KDM4C: variants seen among roughly 807,000 people sequenced by gnomAD.
The protein encoded by KDM4C is lysine demethylase 4C, also known as lysine-specific demethylase 4C.
A neutral mutation model predicts 129.3 loss-of-function variants in KDM4C; 81 were observed. The ratio of observed to expected loss-of-function variants is 0.63; its 90% CI spans 0.52 to 0.75. The LOEUF is 0.75. KDM4C is among the 30% of genes least tolerant of loss of function. The pLI, the probability that KDM4C is intolerant of heterozygous loss-of-function variation, is 0.00. For missense variants in KDM4C, 1,457 were observed against 1,304.0 expected, an observed-to-expected ratio of 1.12 and a Z score of -1.81; for synonymous variants, 573 against 456.1, an observed-to-expected ratio of 1.26 and a Z score of -3.26.
chr9:6,726,976 C>T (rs1256824856), intron 1 of KDM4C: 1 of 152,122 alleles, frequency 6.6e-6, no homozygotes. Context: ...CTCATGTGGT[C>T]CTCCTGCCTC....
At chr9:6,795,326 A>G (rs61138496) in intron 2 of KDM4C, among the ~76,000 whole-genome samples, 1 of 151,746 alleles carries the variant, frequency 6.6e-6, no homozygotes, top group Admixed American at 6.6e-5. Flanking sequence ...ATATATATAT[A>G]TTTTTTGTTG....
At position 6,944,652 on chromosome 9, in the gene KDM4C, G is replaced by GTTTTTTTTTTTTTTTTTT. The variant is rs1158199897; in HGVS notation, c.922-36268_922-36251dup. On this transcript the variant is annotated intron_variant, in intron 8 of 21. Transcript: ENST00000381309. ...CAACACACTTTTTGTCAAGGTAGAG[G>GTTTTTTTTTTTTTTTTTT]TTTTTTTTTTTTTTTTTTTTTTGCC... is the stretch of plus-strand genomic sequence containing the variant. Among the ~76,000 whole-genome samples the GTTTTTTTTTTTTTTTTTT allele has an allele frequency of 1.5e-3, 124 of 80,990 alleles. 16 individuals carry two copies. The highest frequency in any genetic ancestry group is 2.7e-3 in the East Asian group (6 of 2,214). The allele number at this position is 80,990 out of a possible 152,430, so 53.1% of individuals were successfully genotyped here.
chr9:6,853,032 T>TG (rs1839141967), intron 5 of KDM4C, among the ~76,000 whole-genome samples: 1 of 152,124 alleles, frequency 6.6e-6, no homozygotes, highest in Admixed American at 6.5e-5. Flanking sequence ...TTGTTTTTTT[T>TG]GTGTGTGTTT....
chr9:7,146,851 C>T (rs1206811661), intron 19 of KDM4C, among the ~76,000 whole-genome samples: 2 of 152,206 alleles, frequency 1.3e-5, no homozygotes, highest in African/African-American at 4.8e-5. Context: ...CGATTGTCCT[C>T]TGTAGTTCTG....
chr9:6,894,884 A>T (rs764303646), intron 8 of KDM4C, among the ~76,000 whole-genome samples: 7 of 152,206 alleles, frequency 4.6e-5, no homozygotes, highest in Non-Finnish European at 8.8e-5. Flanking sequence ...AAAGTCATTT[A>T]TTCTTCATAT....
chr9:6,847,590 C>T (rs1333983720), intron 4 of KDM4C, among the ~76,000 whole-genome samples: 2 of 152,116 alleles, frequency 1.3e-5, no homozygotes, highest in African/African-American at 4.8e-5. Flanking sequence ...CAGGGTTTCA[C>T]CGTGTTAGCC....
intron 8 of KDM4C, among the ~76,000 whole-genome samples, chr9:6,932,615 A>C (rs183045598): frequency 6.6e-6 from 1 of 152,172 alleles, no homozygotes; most frequent in East Asian, 1.9e-4. Flanking sequence ...AACTGAGGCA[A>C]AGAGGTTAAG....
chr9:6,802,160 C>G (rs1193520501), intron 2 of KDM4C, among the ~76,000 whole-genome samples: 2 of 151,252 alleles, frequency 1.3e-5, no homozygotes, highest in Admixed American at 1.3e-4. Flanking sequence ...GAAAAGGTTT[C>G]TTTCTTCATT....
At chr9:6,958,741 GTGGCATGTTCATGGCTCACTGCA>G (rs1829537575) in intron 8 of KDM4C, among the ~76,000 whole-genome samples, 2 of 146,008 alleles carry the variant, frequency 1.4e-5, no homozygotes, top group Non-Finnish European at 3.0e-5. Context: ...CTAGAGTGCA[GTGGCATGTTCATGGCTCACTGCA>G]ACCTCCATCT....
At chr9:7,135,365 C>T (rs535897104) in intron 19 of KDM4C, among the ~76,000 whole-genome samples, 1 of 152,298 alleles carries the variant, frequency 6.6e-6, no homozygotes, top group African/African-American at 2.4e-5. Flanking sequence ...GTTCCTGGCA[C>T]TTCCTTCCCA....
At chr9:6,747,003 C>CAAAAA (rs58512756) in intron 1 of KDM4C, among the ~76,000 whole-genome samples, 11 of 50,544 alleles carry the variant, frequency 2.2e-4, no homozygotes, top group Admixed American at 2.7e-4. Context: ...GACTCCGTCT[C>CAAAAA]AAAAAAAAAA....
At chr9:6,942,089 C>T (rs3818893) in intron 8 of KDM4C, among the ~76,000 whole-genome samples, 44,676 of 151,894 alleles carry the variant, frequency 0.29, 7,741 homozygotes, top group East Asian at 0.57. Flanking sequence ...ATTGGTAGAG[C>T]GTATACTTTC....
chr9:6,952,250 A>T (rs1828281771), intron 8 of KDM4C, among the ~76,000 whole-genome samples: 1 of 152,078 alleles, frequency 6.6e-6, no homozygotes, highest in Non-Finnish European at 1.5e-5. Flanking sequence ...TTAAAACAGC[A>T]AAGCAAAGCA....
chr9:6,812,652 C>T (rs558145146), intron 3 of KDM4C, among the ~76,000 whole-genome samples: 218 of 152,250 alleles, frequency 1.4e-3, no homozygotes, highest in Non-Finnish European at 2.7e-3. Context: ...GCTCACCTGC[C>T]ACTGACCTCC....
At chr9:6,818,108 A>G (rs1336841684) in intron 4 of KDM4C, among the ~76,000 whole-genome samples, 1 of 152,120 alleles carries the variant, frequency 6.6e-6, no homozygotes, top group Non-Finnish European at 1.5e-5. Flanking sequence ...TTTCTGTTTT[A>G]TGTGAGTGTA....
At chr9:6,919,499 A>G (rs1821035696) in intron 8 of KDM4C, among the ~76,000 whole-genome samples, 1 of 150,974 alleles carries the variant, frequency 6.6e-6, no homozygotes. Flanking sequence ...CTTTGAAAGA[A>G]GAATTGCCTA....
At chr9:6,938,768 A>C (rs1482437283) in intron 8 of KDM4C, among the ~76,000 whole-genome samples, 2 of 152,152 alleles carry the variant, frequency 1.3e-5, no homozygotes, top group African/African-American at 4.8e-5. Flanking sequence ...GGTTTTAGGA[A>C]TATTTGGAAA....
At chr9:6,734,297 T>G (rs1028979017) in intron 1 of KDM4C, among the ~76,000 whole-genome samples, 1 of 146,170 alleles carries the variant, frequency 6.8e-6, no homozygotes, top group Non-Finnish European at 1.5e-5. Context: ...GGTTTTTTTT[T>G]TTTTTTTTTT....
At chr9:6,816,372 T>A (rs1216512097) in intron 4 of KDM4C, among the ~76,000 whole-genome samples, 2 of 152,204 alleles carry the variant, frequency 1.3e-5, no homozygotes, top group East Asian at 3.8e-4. Context: ...CACCGTAGAA[T>A]TCCCTTACCT....
Sources: allele counts gnomAD v4.1 joint callset (sites outside exome capture counted in the v4.1 genomes callset), GRCh38; gene constraint gnomAD v4.1.1; transcripts MANE v1.5; gene names NCBI Gene and HGNC (gene_info 2026-07-23, HGNC 2026-07-21).